Variants in TNFRSF21 observed in about 807,000 individuals in gnomAD.
TNFRSF21 encodes the protein TNF receptor superfamily member 21.
In TNFRSF21, 19 loss-of-function variants were observed where a neutral mutation model predicts 45.6. That is an observed-to-expected ratio of 0.42 (90% CI 0.29 to 0.61). The LOEUF (loss-of-function observed/expected upper bound fraction) is 0.61. Among genes scored for constraint, TNFRSF21 ranks in the 20% least tolerant of loss-of-function variants. TNFRSF21 has a pLI of 0.23. For missense variants in TNFRSF21, 737 were observed against 851.5 expected (o/e 0.87, Z 1.67); for synonymous variants, 314 against 335.5 (o/e 0.94, Z 0.70).
intron 3 of TNFRSF21, among the ~76,000 whole-genome samples, chr6:47,280,448 G>A (rs142932573): frequency 1.7e-3 from 254 of 152,272 alleles, no homozygotes; most frequent in African/African-American, 5.5e-3. Context: ...GCATGTTTGA[G>A]ACTAGCAATT....
intron 3 of TNFRSF21, among the ~76,000 whole-genome samples, chr6:47,265,423 T>A (rs1378455129): frequency 6.6e-6 from 1 of 152,116 alleles, no homozygotes; most frequent in Non-Finnish European, 1.5e-5. Context: ...CCACAAAAGG[T>A]TAGACCTTTC....
In TNFRSF21 at chr6:47,253,520, AC is replaced by A. The variant is rs1462803196; in HGVS notation, c.1244del (p.Gly415ValfsTer5). ...EKWIYYCNGH[G>X]IDILKLVAAQ... ...CTGCTACAAGCTTCAGGATATCGAT[AC>A]CTACACCAGAGAAAAAATAAAAAAC... On this transcript the variant is annotated frameshift_variant and splice_region_variant, in exon 4 of 6. Coordinates refer to ENST00000296861, the MANE Select transcript of TNFRSF21 (RefSeq NM_014452.5). LOFTEE classifies it high-confidence loss of function. 1 of 1,610,824 alleles carries A rather than the reference AC, an allele frequency of 6.2e-7. No homozygotes were observed. The highest frequency in any genetic ancestry group is 1.3e-5 in the African/African-American group (1 of 74,906).
At chr6:47,292,149 C>A (rs1457188012) in intron 1 of TNFRSF21, among the ~76,000 whole-genome samples, 1 of 152,094 alleles carries the variant, frequency 6.6e-6, no homozygotes, top group African/African-American at 2.4e-5. Flanking sequence ...TTCTGTATAA[C>A]ACAACAACAA....
rs1762984048 is a variant in TNFRSF21 at position 47,309,365 on chromosome 6, G to A, written c.96+51C>T. 4.6e-6 allele frequency: 7 copies of A among 1,505,472 alleles called. No homozygotes were observed. In the African/African-American group the frequency reaches 8.7e-5, roughly 19 times the overall value. 93.3% of individuals were successfully genotyped at this position (1,505,472 alleles called of 1,614,324 possible). ...TGACCCGCCCGGCTCCCGGAGAGCG[G>A]TTCCTTCTGCTCCGGCGCCGCCGCC... On this transcript the variant is annotated intron_variant, in intron 1 of 5. Transcript: ENST00000296861.
intron 1 of TNFRSF21, 89 bp from the exon 2 acceptor site, chr6:47,286,684 A>C: frequency 7.5e-7 from 1 of 1,340,682 alleles, no homozygotes; most frequent in Non-Finnish European, 1.0e-6. Flanking sequence ...CAATTCCAGC[A>C]CCACCATCAT....
chr6:47,263,530 C>T (rs1561943260), intron 3 of TNFRSF21, among the ~76,000 whole-genome samples: 1 of 152,100 alleles, frequency 6.6e-6, no homozygotes, highest in Non-Finnish European at 1.5e-5. Flanking sequence ...GCCATGGAAA[C>T]AGAGAAGAAA....
rs1261711979 is a variant in TNFRSF21 at position 47,296,621 on chromosome 6, G to A, written c.97-10026C>T. Among the ~76,000 whole-genome samples the A allele has an allele frequency of 3.3e-5, 5 of 152,144 alleles. No homozygotes were observed. The East Asian group carries it at 9.6e-4, about 29-fold the overall frequency. ...GCTGAACGTTGAGCTGATCACCAAT[G>A]GCCAGTGATATAATCAATCATGTCT... On this transcript the variant is annotated intron_variant, in intron 1 of 5. Transcript: ENST00000296861.
At chr6:47,271,464 TGA>T (rs1184097745) in intron 3 of TNFRSF21, among the ~76,000 whole-genome samples, 2 of 152,202 alleles carry the variant, frequency 1.3e-5, no homozygotes, top group African/African-American at 2.4e-5. Context: ...AAGCAAATGC[TGA>T]GAGATTTTGT....
chr6:47,273,796 G>A (rs1762459768), intron 3 of TNFRSF21, among the ~76,000 whole-genome samples: 1 of 150,230 alleles, frequency 6.7e-6, no homozygotes. Flanking sequence ...CTTAAGCTGA[G>A]GATATAAAAT....
At chr6:47,255,015 G>A (rs1253735269) in intron 3 of TNFRSF21, among the ~76,000 whole-genome samples, 1 of 152,162 alleles carries the variant, frequency 6.6e-6, no homozygotes, top group Non-Finnish European at 1.5e-5. Context: ...AAATGTGACA[G>A]TATCGATGGT....
chr6:47,290,659 T>G (rs919015729), intron 1 of TNFRSF21, among the ~76,000 whole-genome samples: 10 of 152,276 alleles, frequency 6.6e-5, no homozygotes, highest in African/African-American at 2.2e-4. Context: ...GTAACCCACT[T>G]TAGACAATGT....
intron 3 of TNFRSF21, among the ~76,000 whole-genome samples, chr6:47,273,355 T>C (rs1419251455): frequency 6.6e-6 from 1 of 152,190 alleles, no homozygotes; most frequent in Non-Finnish European, 1.5e-5. Context: ...CAAGGCTGGT[T>C]CAACATATGC....
chr6:47,249,600 T>C (rs1478676863), intron 4 of TNFRSF21, among the ~76,000 whole-genome samples: 1 of 152,156 alleles, frequency 6.6e-6, no homozygotes, highest in African/African-American at 2.4e-5. Flanking sequence ...ATGGAAAAGA[T>C]CAATATGCAG....
chr6:47,299,474 G>C (rs182259610), intron 1 of TNFRSF21, among the ~76,000 whole-genome samples: 41 of 152,156 alleles, frequency 2.7e-4, no homozygotes, highest in Non-Finnish European at 4.3e-4. Flanking sequence ...CAGCCTGGGG[G>C]ACAGAGCGAG....
chr6:47,243,413 C>T (rs1764776709), intron 4 of TNFRSF21, among the ~76,000 whole-genome samples: 1 of 152,020 alleles, frequency 6.6e-6, no homozygotes, highest in Admixed American at 6.6e-5. Context: ...TATGGTGGCA[C>T]AATGTACATA....
chr6:47,266,357 C>T (rs1762333792), intron 3 of TNFRSF21, among the ~76,000 whole-genome samples: 1 of 152,120 alleles, frequency 6.6e-6, no homozygotes, highest in Non-Finnish European at 1.5e-5. Flanking sequence ...GAACTCTGAA[C>T]TGGGCTGTTG....
chr6:47,289,723 G>A (rs1762695872), intron 1 of TNFRSF21, among the ~76,000 whole-genome samples: 1 of 152,200 alleles, frequency 6.6e-6, no homozygotes, highest in Non-Finnish European at 1.5e-5. Flanking sequence ...GCCGGGCACG[G>A]TGGCTCATGC....
At chr6:47,256,512 G>C (rs1478485042) in intron 3 of TNFRSF21, among the ~76,000 whole-genome samples, 1 of 152,146 alleles carries the variant, frequency 6.6e-6, no homozygotes, top group Non-Finnish European at 1.5e-5. Flanking sequence ...GAGAGAGGGA[G>C]ACTCTATCTC....
rs1346830198 is a variant in TNFRSF21 at position 47,232,646 on chromosome 6, CACACACACACACAA to C, written c.*105_*118del. 926 of 802,024 alleles carry C rather than the reference CACACACACACACAA, an allele frequency of 1.2e-3. 1 individual carries two copies. The South Asian group carries it at 0.013, about 11-fold the overall frequency. The allele number at this position is 802,024 out of a possible 1,614,324, so 49.7% of individuals were successfully genotyped here. A position where few individuals can be genotyped will look rare whatever the true frequency, so the allele number is the denominator to read the frequency against. On this transcript the variant is annotated 3_prime_UTR_variant, in exon 6 of 6. Coordinates refer to ENST00000296861, the MANE Select transcript of TNFRSF21 (RefSeq NM_014452.5). ...TTAAACACACACACACACACACACA[CACACACACACACAA>C]ACACACACACACACCCCAAACAACA...
Sources: gnomAD v4.1 joint callset for allele counts (sites outside exome capture counted in the v4.1 genomes callset) on GRCh38, gnomAD v4.1.1 for gene constraint, MANE v1.5 for transcripts, NCBI Gene and HGNC (gene_info 2026-07-23, HGNC 2026-07-21) for gene names.